Variants in FBXO42 observed in about 807,000 individuals in gnomAD.
FBXO42 encodes F-box only protein 42.
FBXO42 carries 12 observed loss-of-function variants against 71.7 expected under a neutral mutation model. That is an observed-to-expected ratio of 0.17 (90% CI 0.11 to 0.27). The LOEUF (loss-of-function observed/expected upper bound fraction) is 0.27. Ranked by LOEUF, FBXO42 falls within the 10% of genes least tolerant of loss-of-function variation. FBXO42 has a pLI of 1.00. For missense variants in FBXO42, 707 were observed against 911.9 expected, an observed-to-expected ratio of 0.78 and a Z score of 2.89; for synonymous variants, 325 against 327.5, an observed-to-expected ratio of 0.99 and a Z score of 0.08.
At chr1:16,280,849 A>G (rs185513300) in intron 4 of FBXO42, among the ~76,000 whole-genome samples, 27 of 152,316 alleles carry the variant, frequency 1.8e-4, no homozygotes, top group Admixed American at 1.2e-3. Flanking sequence ...CAAACTTTAG[A>G]GACAAAATCT....
At chr1:16,313,104 T>C (rs986226219) in intron 2 of FBXO42, among the ~76,000 whole-genome samples, 1 of 152,010 alleles carries the variant, frequency 6.6e-6, no homozygotes, top group Non-Finnish European at 1.5e-5. Context: ...CAGAGGAATT[T>C]GTTTCTCCTA....
At chr1:16,335,063 C>CAAAAAAAAAAAA (rs55983316) in intron 1 of FBXO42, among the ~76,000 whole-genome samples, 10 of 69,024 alleles carry the variant, frequency 1.4e-4, no homozygotes, top group Non-Finnish European at 2.3e-4. Flanking sequence ...CTCGTCTGTA[C>CAAAAAAAAAAAA]AAAAAAAAAA....
rs948533855 is a variant in FBXO42, at chr1:16,250,033, C to T, written c.*637G>A. 1 of 152,218 alleles carries T rather than the reference C, an allele frequency of 6.6e-6. No individual in the cohort carries two copies. The highest frequency in any genetic ancestry group is 2.4e-5 in the African/African-American group (1 of 41,450). The allele number at this position is 152,218 out of a possible 1,614,324, so 9.4% of individuals were successfully genotyped here. On this transcript the variant is annotated 3_prime_UTR_variant, in exon 10 of 10. Coordinates refer to ENST00000375592, the MANE Select transcript of FBXO42 (RefSeq NM_018994.3). The surrounding 1 kb of genome is among the most constrained non-coding windows in gnomAD (Gnocchi z 4.7). ...GGCGGTCAGATGTTGGCTGCATAAA[C>T]ATTATTTCACAATGACCCGGCACAC...
At chr1:16,333,440 C>G (rs921752550) in intron 1 of FBXO42, among the ~76,000 whole-genome samples, 7 of 135,420 alleles carry the variant, frequency 5.2e-5, no homozygotes, top group African/African-American at 1.1e-4. Context: ...AGTGAGACCC[C>G]CCCCCCCCAT....
intron 4 of FBXO42, among the ~76,000 whole-genome samples, chr1:16,280,806 A>G (rs1166725567): frequency 6.6e-6 from 1 of 152,102 alleles, no homozygotes; most frequent in African/African-American, 2.4e-5. Context: ...GAAGAACGAA[A>G]ACTACTCACA....
intron 3 of FBXO42, among the ~76,000 whole-genome samples, chr1:16,303,598 G>A (rs1261156500): frequency 1.3e-5 from 2 of 149,926 alleles, no homozygotes; most frequent in East Asian, 1.9e-4. Flanking sequence ...ACAGAGTTTC[G>A]CTCTTGTTGC....
Position 16,251,168 on chromosome 1 carries a change from G to T in FBXO42, c.1656C>A (p.Ser552=). ...HVASALAGAV[S]PGALRRSLEA... is the part of the protein sequence containing the mutation. ...CCAGACTCCGACGCAGGGCACCTGG[G>T]GAGACGGCCCCTGCAAGGGCACTGG... is the stretch of plus-strand genomic sequence containing the variant. The change falls in exon 10 of 10, where the codon TCC becomes TCA. Residue 552 remains serine (S), a synonymous_variant. Coordinates refer to ENST00000375592, the MANE Select transcript of FBXO42 (RefSeq NM_018994.3). The surrounding 1 kb of genome is among the most constrained non-coding windows in gnomAD (Gnocchi z 4.5). 1.2e-6 allele frequency: 2 copies of T among 1,614,160 alleles called. No homozygotes were observed. Among genetic ancestry groups the T allele is most frequent in the South Asian group, 2.2e-5 (2 of 91,084 alleles).
At chr1:16,311,177 CAA>C (rs772613523) in intron 2 of FBXO42, among the ~76,000 whole-genome samples, 9 of 119,758 alleles carry the variant, frequency 7.5e-5, no homozygotes, top group Non-Finnish European at 7.0e-5. Context: ...GACTCCGTCT[CAA>C]AAAAAAAAAA....
chr1:16,274,588 GTTTTTTTTT>G (rs533547281), intron 4 of FBXO42, among the ~76,000 whole-genome samples: 1 of 53,500 alleles, frequency 1.9e-5, no homozygotes, highest in Admixed American at 3.0e-4. Flanking sequence ...TTATGCCCCC[GTTTTTTTTT>G]TTTTTTTTTT....
At chr1:16,299,655 A>AT (rs1441774456) in intron 3 of FBXO42, among the ~76,000 whole-genome samples, 2 of 151,716 alleles carry the variant, frequency 1.3e-5, no homozygotes, top group Non-Finnish European at 2.9e-5. Context: ...TATTATTATT[A>AT]TTTTTTTGAG....
chr1:16,279,381 G>A (rs752667283), intron 4 of FBXO42, among the ~76,000 whole-genome samples: 2 of 152,116 alleles, frequency 1.3e-5, no homozygotes, highest in African/African-American at 2.4e-5. Flanking sequence ...AGTGAACTAG[G>A]ACCTATGACT....
rs1002914338 is a variant in FBXO42 at position 16,247,396 on chromosome 1, CT to C, written c.*3273del. On this transcript the variant is annotated 3_prime_UTR_variant, in exon 10 of 10. Coordinates refer to ENST00000375592, the MANE Select transcript of FBXO42 (RefSeq NM_018994.3). ...ACAGACAGACCAACCAGGAATACCA[CT>C]TTTAAGGGGGAAGGAAAGAGTGAAG... 3.9e-5 allele frequency: 6 copies of C among 152,240 alleles called. No individual in the cohort carries two copies. The highest frequency in any genetic ancestry group is 1.2e-4 in the African/African-American group (5 of 41,386). 9.4% of individuals were successfully genotyped at this position (152,240 alleles called of 1,614,324 possible). A position where few individuals can be genotyped will look rare whatever the true frequency, so the allele number is the denominator to read the frequency against.
At chr1:16,256,433 ACT>A (rs1164134979) in intron 5 of FBXO42, among the ~76,000 whole-genome samples, 171 bp downstream of exon 5, 5 of 152,034 alleles carry the variant, frequency 3.3e-5, no homozygotes, top group African/African-American at 1.2e-4. Flanking sequence ...AGTCCTGTAA[ACT>A]CTCTGAAACT....
intron 4 of FBXO42, among the ~76,000 whole-genome samples, chr1:16,268,875 C>T (rs897290736): frequency 6.6e-6 from 1 of 150,962 alleles, no homozygotes; most frequent in African/African-American, 2.4e-5. Flanking sequence ...ATCCCAGCTA[C>T]TCGGGAGGCT....
At chr1:16,350,757 A>AGAAAGAAAAGAAAGAAAGAAAGAAAG (rs1553156684) in intron 1 of FBXO42, among the ~76,000 whole-genome samples, 1 of 44,248 alleles carries the variant, frequency 2.3e-5, no homozygotes, top group Non-Finnish European at 4.1e-5. Flanking sequence ...AAAAAAAAAA[A>AGAAAGAAAAGAAAGAAAGAAAGAAAG]AAAGAAAGAA....
chr1:16,343,574 AGCACTTT>A (rs1486896960), intron 1 of FBXO42, among the ~76,000 whole-genome samples: 3 of 152,098 alleles, frequency 2.0e-5, no homozygotes, highest in Admixed American at 2.0e-4. Context: ...AAAAATTCCC[AGCACTTT>A]GGGAGGCCGA....
intron 4 of FBXO42, among the ~76,000 whole-genome samples, chr1:16,267,342 C>T (rs2081787600): frequency 1.3e-5 from 2 of 152,176 alleles, no homozygotes; most frequent in South Asian, 4.1e-4. Context: ...CCTCTAAACT[C>T]CTGCTTCCTA....
At chr1:16,349,047 A>G (rs1214415139) in intron 1 of FBXO42, among the ~76,000 whole-genome samples, 1 of 152,186 alleles carries the variant, frequency 6.6e-6, no homozygotes, top group African/African-American at 2.4e-5. Context: ...AGGTTTTCCC[A>G]AGACTGCTGG....
At chr1:16,292,256 C>A (rs116107243) in intron 4 of FBXO42, 3,005 of 152,340 alleles carry the variant, frequency 0.02, 45 homozygotes, top group Non-Finnish European at 0.03. Flanking sequence ...CAAAGCATAA[C>A]CTTTTCTTTG....
Sources: allele counts gnomAD v4.1 joint callset (sites outside exome capture counted in the v4.1 genomes callset), GRCh38; gene constraint gnomAD v4.1.1; non-coding constraint Gnocchi (gnomAD v3.1); transcripts MANE v1.5; gene names NCBI Gene and HGNC (gene_info 2026-07-23, HGNC 2026-07-21).